Variants in CPNE8 observed in about 807,000 individuals in gnomAD.
The protein encoded by CPNE8 is copine-8.
In CPNE8, 45 loss-of-function variants were observed where a neutral mutation model predicts 81.5. The observed-to-expected ratio is 0.55, with a 90% confidence interval of 0.44 to 0.71. CPNE8 has a LOEUF of 0.71. Ranked by LOEUF, CPNE8 falls within the 30% of genes least tolerant of loss-of-function variation. The probability of loss-of-function intolerance (pLI) is 0.00; values close to 1 mark genes in which losing one functional copy is unlikely to be tolerated. For synonymous variants in CPNE8, 252 were observed against 226.3 expected (o/e 1.11, Z -1.02); for missense variants, 594 against 672.1 (o/e 0.88, Z 1.28).
At chr12:38,669,113 T>C (rs1939120133) in intron 19 of CPNE8, among the ~76,000 whole-genome samples, 1 of 152,086 alleles carries the variant, frequency 6.6e-6, no homozygotes. Context: ...CAAATGACCA[T>C]ATCACCAGGT....
intron 6 of CPNE8, among the ~76,000 whole-genome samples, chr12:38,799,928 C>A (rs1418346984): frequency 1.3e-5 from 2 of 151,484 alleles, no homozygotes; most frequent in African/African-American, 4.8e-5. Context: ...CACTCCCACC[C>A]GAATATTGCG....
chr12:38,818,199 C>T (rs578100178), intron 6 of CPNE8, among the ~76,000 whole-genome samples: 32 of 152,052 alleles, frequency 2.1e-4, no homozygotes, highest in African/African-American at 5.5e-4. Flanking sequence ...GTTTGTTACA[C>T]GGTGGTTTGC....
intron 19 of CPNE8, among the ~76,000 whole-genome samples, chr12:38,670,474 AG>A (rs1939150050): frequency 1.3e-5 from 2 of 152,138 alleles, no homozygotes; most frequent in South Asian, 4.1e-4. Context: ...GACATATTTT[AG>A]GATCTATTTC....
intron 3 of CPNE8, among the ~76,000 whole-genome samples, chr12:38,856,003 T>C (rs1247148977): frequency 6.6e-6 from 1 of 151,570 alleles, no homozygotes; most frequent in African/African-American, 2.4e-5. Flanking sequence ...AAATAATAAA[T>C]GAAAGAGAAA....
At chr12:38,806,900 C>CAA (rs1024403445) in intron 6 of CPNE8, among the ~76,000 whole-genome samples, 156 of 150,988 alleles carry the variant, frequency 1.0e-3, no homozygotes, top group African/African-American at 3.2e-3. Flanking sequence ...GCAACTTCAG[C>CAA]AGTCTCAGGA....
chr12:38,814,309 CTTTTTTTTTTT>C (rs61444154), intron 6 of CPNE8, among the ~76,000 whole-genome samples: 1 of 49,170 alleles, frequency 2.0e-5, no homozygotes, highest in Admixed American at 3.9e-4. Flanking sequence ...CCAGACCTGG[CTTTTTTTTTTT>C]TTTTTTTTTT....
chr12:38,830,535 G>C (rs1943269014), intron 5 of CPNE8, among the ~76,000 whole-genome samples: 1 of 152,148 alleles, frequency 6.6e-6, no homozygotes, highest in East Asian at 1.9e-4. Context: ...GTGCCTTCTA[G>C]CTTAGCCTGT....
intron 13 of CPNE8, 143 bp downstream of exon 13, chr12:38,723,629 A>G (rs1479047942): frequency 4.5e-6 from 3 of 662,408 alleles, no homozygotes; most frequent in Admixed American, 3.0e-5. Context: ...TTTTTTCTTT[A>G]TATCTGAAAC....
intron 6 of CPNE8, among the ~76,000 whole-genome samples, chr12:38,824,087 C>T (rs886163934): frequency 2.0e-5 from 3 of 152,088 alleles, no homozygotes; most frequent in Non-Finnish European, 2.9e-5. Context: ...TTAAATCCAA[C>T]AGAACAGACT....
At chr12:38,831,106 G>A (rs968686053) in intron 5 of CPNE8, among the ~76,000 whole-genome samples, 6 of 152,148 alleles carry the variant, frequency 3.9e-5, no homozygotes, top group African/African-American at 1.4e-4. Flanking sequence ...TTTCTTGAGA[G>A]CCAGTAAGGA....
chr12:38,665,160 G>C (rs547109211), intron 19 of CPNE8, among the ~76,000 whole-genome samples: 1 of 152,094 alleles, frequency 6.6e-6, no homozygotes, highest in Admixed American at 6.6e-5. Flanking sequence ...TATATTTACA[G>C]GTTTCCACTC....
chr12:38,654,705 G>A, intron 19 of CPNE8, among the ~76,000 whole-genome samples: 1 of 152,034 alleles, frequency 6.6e-6, no homozygotes, highest in East Asian at 1.9e-4. Flanking sequence ...TCTATACCCA[G>A]CCTGAATCCC....
chr12:38,883,310 A>G (rs1054095913), intron 1 of CPNE8, among the ~76,000 whole-genome samples: 3 of 152,200 alleles, frequency 2.0e-5, no homozygotes, highest in Non-Finnish European at 4.4e-5. Context: ...ATTCATCTAT[A>G]TCATTCAGAA....
At chr12:38,690,473 T>C in intron 15 of CPNE8, among the ~76,000 whole-genome samples, 1 of 152,170 alleles carries the variant, frequency 6.6e-6, no homozygotes, top group East Asian at 1.9e-4. Flanking sequence ...AACATAATCA[T>C]TGTTGTTTTC....
chr12:38,739,825 A>C (rs1941047893), intron 10 of CPNE8, among the ~76,000 whole-genome samples: 1 of 152,190 alleles, frequency 6.6e-6, no homozygotes, highest in Non-Finnish European at 1.5e-5. Flanking sequence ...ACATTTTAAC[A>C]TATGCATTCC....
In CPNE8 at chr12:38,717,849, T is replaced by G. The variant is rs561687096; in HGVS notation, c.914+5923A>C. Among the ~76,000 whole-genome samples the G allele has an allele frequency of 1.6e-4, 25 of 152,084 alleles. 1 individual carries two copies. The South Asian group carries it at 4.0e-3, about 24-fold the overall frequency. On this transcript the variant is annotated intron_variant, in intron 13 of 19. Transcript: ENST00000331366. ...TGGAAGTCAGAAAAAAAAAGTTCCC[T>G]GAATTGATGATGCCACCTTAAGCCA...
At chr12:38,854,031 A>C (rs1020579618) in intron 3 of CPNE8, among the ~76,000 whole-genome samples, 5 of 152,108 alleles carry the variant, frequency 3.3e-5, no homozygotes, top group African/African-American at 1.2e-4. Flanking sequence ...ATTAAATCTT[A>C]GTAGCCATGA....
chr12:38,668,941 C>A (rs1196418228), intron 19 of CPNE8, among the ~76,000 whole-genome samples: 2 of 152,010 alleles, frequency 1.3e-5, no homozygotes, highest in African/African-American at 4.8e-5. Context: ...GTAGTCCCAG[C>A]TACTCGAGAG....
At chr12:38,723,610 G>C (rs1030104358) in intron 13 of CPNE8, among the ~76,000 whole-genome samples, 162 bp downstream of exon 13, 1 of 152,120 alleles carries the variant, frequency 6.6e-6, no homozygotes, top group African/African-American at 2.4e-5. Context: ...ATAGCTCTAG[G>C]TATGTACGTT....
Sources: allele counts gnomAD v4.1 joint callset (sites outside exome capture counted in the v4.1 genomes callset), GRCh38; gene constraint gnomAD v4.1.1; transcripts MANE v1.5; gene names NCBI Gene and HGNC (gene_info 2026-07-23, HGNC 2026-07-21).